Variants in CNTNAP2 observed in about 807,000 individuals in gnomAD.
The protein encoded by CNTNAP2 is contactin-associated protein-like 2.
A neutral mutation model predicts 155.2 loss-of-function variants in CNTNAP2; 98 were observed. The observed-to-expected ratio is 0.63, with a 90% CI of 0.54 to 0.75. The LOEUF is 0.75. CNTNAP2 is among the 30% of genes least tolerant of loss of function. The probability of loss-of-function intolerance (pLI) is 0.00; values close to 1 mark genes in which losing one functional copy is unlikely to be tolerated. For missense variants in CNTNAP2, 1,727 were observed against 1,688.1 expected, an observed-to-expected ratio of 1.02 and a Z score of -0.40; for synonymous variants, 651 against 631.2, an observed-to-expected ratio of 1.03 and a Z score of -0.47.
intron 1 of CNTNAP2, among the ~76,000 whole-genome samples, chr7:146,471,837 G>T (rs942010151): frequency 6.6e-6 from 1 of 152,194 alleles, no homozygotes; most frequent in African/African-American, 2.4e-5. Context: ...CAGGAATTCT[G>T]TGGATAGCAA....
chr7:147,755,722 G>A (rs139171251), intron 13 of CNTNAP2, among the ~76,000 whole-genome samples: 3 of 152,266 alleles, frequency 2.0e-5, no homozygotes, highest in Non-Finnish European at 2.9e-5. Flanking sequence ...GGCCAGCTTC[G>A]TAGCCATCCA....
intron 1 of CNTNAP2, among the ~76,000 whole-genome samples, chr7:146,363,366 T>C (rs1489268950): frequency 6.6e-6 from 1 of 152,168 alleles, no homozygotes; most frequent in East Asian, 1.9e-4. Flanking sequence ...ACATCAATAA[T>C]TTAACTGTTA....
chr7:146,550,429 T>TTTC (rs1445469941), intron 1 of CNTNAP2, among the ~76,000 whole-genome samples: 7 of 136,388 alleles, frequency 5.1e-5, no homozygotes, highest in South Asian at 4.5e-4. Flanking sequence ...TTTTTTTTTT[T>TTTC]ATAAAGTACC....
intron 1 of CNTNAP2, among the ~76,000 whole-genome samples, chr7:146,318,316 A>G (rs10229180): frequency 1.3e-5 from 2 of 152,064 alleles, no homozygotes; most frequent in African/African-American, 2.4e-5. Flanking sequence ...TACTAAAGCT[A>G]TAAAATAAAA....
chr7:147,399,434 T>G (rs191633740), intron 10 of CNTNAP2, among the ~76,000 whole-genome samples: 7 of 152,248 alleles, frequency 4.6e-5, no homozygotes, highest in Admixed American at 3.9e-4. Flanking sequence ...TGTGGCCAAT[T>G]CTGAATATAT....
chr7:146,216,524 C>T (rs1337762224), intron 1 of CNTNAP2, among the ~76,000 whole-genome samples: 1 of 152,134 alleles, frequency 6.6e-6, no homozygotes, highest in African/African-American at 2.4e-5. Context: ...GTTTCAGAAG[C>T]AACTGCCGAT....
intron 23 of CNTNAP2, among the ~76,000 whole-genome samples, chr7:148,410,865 C>T (rs1799818952): frequency 6.6e-6 from 1 of 152,036 alleles, no homozygotes; most frequent in Non-Finnish European, 1.5e-5. Flanking sequence ...GGAACAAGTT[C>T]CGGGTTTGCT....
At chr7:148,019,201 C>T (rs1009121588) in intron 15 of CNTNAP2, among the ~76,000 whole-genome samples, 3 of 152,106 alleles carry the variant, frequency 2.0e-5, no homozygotes, top group Admixed American at 6.5e-5. Flanking sequence ...ATTCACATTC[C>T]CCCATAGTGT....
chr7:146,304,270 G>A (rs150461230), intron 1 of CNTNAP2, among the ~76,000 whole-genome samples: 3 of 151,820 alleles, frequency 2.0e-5, no homozygotes, highest in Admixed American at 6.6e-5. Flanking sequence ...GCAATTTACA[G>A]TTAAGGTTAA....
chr7:148,012,783 C>T (rs1024763385), intron 15 of CNTNAP2, among the ~76,000 whole-genome samples: 1 of 152,158 alleles, frequency 6.6e-6, no homozygotes, highest in African/African-American at 2.4e-5. Flanking sequence ...TAGCTAACTT[C>T]CAAAGCTAAA....
chr7:146,828,196 C>A (rs11762685), intron 2 of CNTNAP2, among the ~76,000 whole-genome samples: 7,322 of 151,954 alleles, frequency 0.048, 512 homozygotes, highest in African/African-American at 0.16. Flanking sequence ...AGGAAATGAC[C>A]AGACTCATTA....
chr7:146,725,121 G>A (rs1408762888), intron 1 of CNTNAP2, among the ~76,000 whole-genome samples: 2 of 150,512 alleles, frequency 1.3e-5, no homozygotes, highest in Non-Finnish European at 2.9e-5. Flanking sequence ...CTCCAGTCTC[G>A]GCCTCCATGC....
intron 21 of CNTNAP2, among the ~76,000 whole-genome samples, chr7:148,289,896 A>G (rs1324924617): frequency 6.6e-6 from 1 of 152,248 alleles, no homozygotes; most frequent in Non-Finnish European, 1.5e-5. Context: ...ACTTTCACAC[A>G]AACCTTTTAA....
chr7:147,367,467 G>T (rs1796252594), intron 9 of CNTNAP2, among the ~76,000 whole-genome samples: 1 of 151,842 alleles, frequency 6.6e-6, no homozygotes, highest in Non-Finnish European at 1.5e-5. Context: ...AATTGATTCT[G>T]CAAAAGAGAA....
At chr7:146,403,833 C>T (rs895303106) in intron 1 of CNTNAP2, among the ~76,000 whole-genome samples, 1 of 152,114 alleles carries the variant, frequency 6.6e-6, no homozygotes, top group Non-Finnish European at 1.5e-5. Context: ...TTTCCAGTTT[C>T]GGTGTACTGA....
At chr7:147,363,934 G>A (rs571220831) in intron 9 of CNTNAP2, among the ~76,000 whole-genome samples, 2 of 152,138 alleles carry the variant, frequency 1.3e-5, no homozygotes, top group East Asian at 3.9e-4. Context: ...TATAGACCTC[G>A]CTTGTTTCTG....
At chr7:147,366,217 T>C (rs1796227065) in intron 9 of CNTNAP2, among the ~76,000 whole-genome samples, 1 of 152,124 alleles carries the variant, frequency 6.6e-6, no homozygotes, top group South Asian at 2.1e-4. Flanking sequence ...TTACATAAAG[T>C]TCATAGGATT....
Position 148,062,223 on chromosome 7 carries a change from G to A in CNTNAP2, c.2384-55895G>A, listed in dbSNP as rs1380951216. 3.3e-5 allele frequency among the ~76,000 whole-genome samples: 5 copies of A among 151,960 alleles called. No homozygotes were observed. The East Asian group carries it at 9.7e-4, about 29-fold the overall frequency. On this transcript the variant is annotated intron_variant, in intron 15 of 23. Transcript: ENST00000361727. ...AAAATAATGAAAAGAGACATAATAT[G>A]CAAATAATAATTAAAGGAAAAACCG...
In CNTNAP2 at chr7:148,221,955, T is replaced by C. The variant is rs1013531264; in HGVS notation, c.3247+4431T>C. On this transcript the variant is annotated intron_variant, in intron 19 of 23. Coordinates refer to ENST00000361727, the MANE Select transcript of CNTNAP2 (RefSeq NM_014141.6). Reference sequence around the variant, plus strand: ...CGTCATGGTGTCCATAGAAAATTATTATATTTGAATGGTACCAGGGTAAAT... The same window carrying C: ...CGTCATGGTGTCCATAGAAAATTATCATATTTGAATGGTACCAGGGTAAAT... Among the ~76,000 whole-genome samples the C allele has an allele frequency of 4.6e-5, 7 of 152,234 alleles. No individual in the cohort carries two copies. In the South Asian group the frequency reaches 1.4e-3, roughly 31 times the overall value.
Sources: gnomAD v4.1 joint callset for allele counts (sites outside exome capture counted in the v4.1 genomes callset) on GRCh38, gnomAD v4.1.1 for gene constraint, MANE v1.5 for transcripts, NCBI Gene and HGNC (gene_info 2026-07-23, HGNC 2026-07-21) for gene names.